ADAMTS17: variants seen among roughly 807,000 people sequenced by gnomAD.
The protein encoded by ADAMTS17 is ADAM metallopeptidase with thrombospondin type 1 motif 17, also known as A disintegrin and metalloproteinase with thrombospondin motifs 17.
In ADAMTS17, 113 loss-of-function variants were observed where a neutral mutation model predicts 141.5. The ratio of observed to expected loss-of-function variants is 0.80; its 90% confidence interval spans 0.69 to 0.93. The LOEUF (loss-of-function observed/expected upper bound fraction) is 0.93. Among genes scored for constraint, ADAMTS17 ranks in the 40% least tolerant of loss-of-function variants. The pLI is 0.00. For missense variants in ADAMTS17, 1,659 were observed against 1,517.9 expected (o/e 1.09, Z -1.54); for synonymous variants, 768 against 630.6 (o/e 1.22, Z -3.27).
intron 15 of ADAMTS17, among the ~76,000 whole-genome samples, chr15:100,076,874 A>G (rs1025879630): frequency 2.0e-5 from 3 of 152,180 alleles, no homozygotes; most frequent in African/African-American, 4.8e-5. Flanking sequence ...TACATTTGCA[A>G]TTTTTAAAAA....
chr15:100,272,880 T>C (rs2043962559), intron 4 of ADAMTS17, among the ~76,000 whole-genome samples: 1 of 152,058 alleles, frequency 6.6e-6, no homozygotes, highest in Non-Finnish European at 1.5e-5. Context: ...CTATTCCTAG[T>C]CTATTGAGTG....
At chr15:100,112,068 G>A (rs1356244634) in intron 13 of ADAMTS17, among the ~76,000 whole-genome samples, 2 of 152,260 alleles carry the variant, frequency 1.3e-5, no homozygotes, top group South Asian at 2.1e-4. Context: ...AAGTGGAAGT[G>A]GGACTTGGGT....
intron 7 of ADAMTS17, among the ~76,000 whole-genome samples, chr15:100,225,802 GC>G (rs1237391791): frequency 1.0e-4 from 14 of 138,940 alleles, no homozygotes; most frequent in East Asian, 9.3e-4. Context: ...CGGCCTCTGT[GC>G]CCACTCTGTC....
chr15:100,164,238 T>C (rs2039856211), intron 8 of ADAMTS17, among the ~76,000 whole-genome samples: 1 of 152,116 alleles, frequency 6.6e-6, no homozygotes, highest in Non-Finnish European at 1.5e-5. Context: ...CCAGGGAGGA[T>C]GATACAAAGT....
intron 20 of ADAMTS17, among the ~76,000 whole-genome samples, chr15:99,987,513 A>G (rs2060613425): frequency 6.6e-6 from 1 of 152,190 alleles, no homozygotes; most frequent in Non-Finnish European, 1.5e-5. Flanking sequence ...TACAGGAAGG[A>G]AGCCCTGGGT....
intron 15 of ADAMTS17, among the ~76,000 whole-genome samples, chr15:100,094,347 C>G (rs2141009055): frequency 6.6e-6 from 1 of 152,330 alleles, no homozygotes; most frequent in South Asian, 2.1e-4. Flanking sequence ...ACCTCACATT[C>G]CAGACAGGGA....
chr15:100,208,210 G>C (rs1165488045), intron 7 of ADAMTS17, among the ~76,000 whole-genome samples: 1 of 152,184 alleles, frequency 6.6e-6, no homozygotes, highest in Non-Finnish European at 1.5e-5. Flanking sequence ...ACTGCTGCTG[G>C]TTCTGCTTAG....
At chr15:100,217,458 G>C (rs2141759185) in intron 7 of ADAMTS17, among the ~76,000 whole-genome samples, 1 of 152,240 alleles carries the variant, frequency 6.6e-6, no homozygotes, top group East Asian at 1.9e-4. Context: ...AATTAGGTGG[G>C]CGTGGTGGTG....
chr15:100,022,537 C>T (rs973032351), intron 18 of ADAMTS17, among the ~76,000 whole-genome samples: 2 of 152,122 alleles, frequency 1.3e-5, no homozygotes, highest in South Asian at 2.1e-4. Context: ...CAGCAGCTGC[C>T]GGGCAGATGT....
chr15:100,193,512 C>A (rs2040996394), intron 8 of ADAMTS17, among the ~76,000 whole-genome samples: 1 of 152,150 alleles, frequency 6.6e-6, no homozygotes, highest in Non-Finnish European at 1.5e-5. Context: ...GTGGGCAAGG[C>A]CAGAAAGAGC....
intron 14 of ADAMTS17, among the ~76,000 whole-genome samples, chr15:100,096,772 C>T (rs529610902): frequency 7.4e-4 from 113 of 152,356 alleles, no homozygotes; most frequent in African/African-American, 2.5e-3. Context: ...TGAGGCCTGA[C>T]GCCCTGACTG....
chr15:99,974,570 G>C lies in ADAMTS17; in HGVS notation c.3128-8C>G. On this transcript the variant is annotated splice_region_variant and splice_polypyrimidine_tract_variant and intron_variant, in intron 21 of 21. Coordinates refer to ENST00000268070, the MANE Select transcript of ADAMTS17 (RefSeq NM_139057.4). ...ATTTGTAGGTCAGAGCAGCTAAGGGGATAGGAGAGAGAATACCCAGGGTCA... is the reference window on the plus strand; with the variant it reads ...ATTTGTAGGTCAGAGCAGCTAAGGGCATAGGAGAGAGAATACCCAGGGTCA... The C allele has an allele frequency of 1.2e-6, 2 of 1,614,238 alleles. No individual in the cohort carries two copies. Among genetic ancestry groups the C allele is most frequent in the South Asian group, 1.1e-5 (1 of 91,090 alleles).
chr15:100,250,083 A>T (rs2043107315), intron 7 of ADAMTS17, among the ~76,000 whole-genome samples: 2 of 152,246 alleles, frequency 1.3e-5, no homozygotes, highest in South Asian at 4.1e-4. Context: ...CACAGTATAA[A>T]AAAGCACGAT....
intron 14 of ADAMTS17, among the ~76,000 whole-genome samples, chr15:100,108,616 G>T (rs907049488): frequency 6.6e-6 from 1 of 152,268 alleles, no homozygotes; most frequent in Non-Finnish European, 1.5e-5. Context: ...GACCTGCACA[G>T]GCATTGGCTC....
In ADAMTS17 at chr15:100,153,674, G is replaced by A. The variant is rs73475403; in HGVS notation, c.1323-912C>T. Among the ~76,000 whole-genome samples, 507 of 152,138 alleles carry A rather than the reference G, an allele frequency of 3.3e-3. 9 individuals are homozygous for A. In the East Asian group the frequency reaches 0.07, roughly 21 times the overall value. On this transcript the variant is annotated intron_variant, in intron 9 of 21. Transcript: ENST00000268070. The stretch of plus-strand genomic sequence containing the variant: ...TAACTAAATGAATAAGTGAACTGGG[G>A]ATTGCGAGGCTCTGGCTCTAAAGGA...
Position 100,060,949 on chromosome 15 carries a change from G to C in ADAMTS17, c.2138-6895C>G, listed in dbSNP as rs575366619. Among the ~76,000 whole-genome samples the C allele has an allele frequency of 9.0e-4, 137 of 152,316 alleles. 1 individual carries two copies. Among genetic ancestry groups the C allele is most frequent in the South Asian group, 1.7e-3 (8 of 4,824 alleles). ...AACTAACTTTAGAAACATAATGAGT[G>C]TGGACCACCTTCAGGCTTGCCCGAA... On this transcript the variant is annotated intron_variant, in intron 15 of 21. Transcript: ENST00000268070.
At chr15:100,281,493 G>C (rs551927607) in intron 3 of ADAMTS17, 92 bp from the exon 4 acceptor site, 12 of 1,501,688 alleles carry the variant, frequency 8.0e-6, no homozygotes, top group East Asian at 4.9e-5. Flanking sequence ...CTGCCCGAGA[G>C]AGTGGTCAGT....
intron 3 of ADAMTS17, among the ~76,000 whole-genome samples, chr15:100,282,447 C>T (rs1471591347): frequency 1.3e-5 from 2 of 152,228 alleles, no homozygotes; most frequent in Non-Finnish European, 2.9e-5. Flanking sequence ...GACTATGTTA[C>T]GTCCTATGCA....
At chr15:100,315,237 C>T (rs1033447909) in intron 3 of ADAMTS17, among the ~76,000 whole-genome samples, 9 of 152,208 alleles carry the variant, frequency 5.9e-5, no homozygotes, top group Non-Finnish European at 8.8e-5. Context: ...AGGAGTCCAC[C>T]GTGCAGGGGC....
Sources: gnomAD v4.1 joint callset for allele counts (sites outside exome capture counted in the v4.1 genomes callset) on GRCh38, gnomAD v4.1.1 for gene constraint, MANE v1.5 for transcripts, NCBI Gene and HGNC (gene_info 2026-07-23, HGNC 2026-07-21) for gene names.